The following STAG1 variants were observed in gnomAD, a reference collection of about 807,000 sequenced individuals.
STAG1 encodes the protein cohesin subunit SA-1.
In STAG1, 26 loss-of-function variants were observed where a neutral mutation model predicts 170.9. That is an observed-to-expected ratio of 0.15 (90% confidence interval 0.11 to 0.21). STAG1 has a LOEUF of 0.21. Among genes scored for constraint, STAG1 ranks in the 10% least tolerant of loss-of-function variants. STAG1 has a pLI of 1.00. For synonymous variants in STAG1, 514 were observed against 497.7 expected (o/e 1.03, Z -0.44); for missense variants, 964 against 1,509.5 (o/e 0.64, Z 5.99).
At chr3:136,720,811 G>GA (rs1933214913) in intron 1 of STAG1, among the ~76,000 whole-genome samples, 1 of 151,592 alleles carries the variant, frequency 6.6e-6, no homozygotes, top group Non-Finnish European at 1.5e-5. Context: ...AAAAGAAAAA[G>GA]AAAAGAAATC....
chr3:136,614,341 G>C (rs921694117), intron 3 of STAG1, among the ~76,000 whole-genome samples: 1 of 152,144 alleles, frequency 6.6e-6, no homozygotes, highest in Non-Finnish European at 1.5e-5. Context: ...ATAAACAACA[G>C]TACAAATGAA....
At chr3:136,712,999 G>C (rs1051721490) in intron 1 of STAG1, among the ~76,000 whole-genome samples, 2 of 152,044 alleles carry the variant, frequency 1.3e-5, no homozygotes, top group African/African-American at 4.8e-5. Flanking sequence ...GCTGAGGCAG[G>C]AGAACCACTT....
chr3:136,575,276 G>T (rs1420885648), intron 4 of STAG1, among the ~76,000 whole-genome samples: 1 of 152,116 alleles, frequency 6.6e-6, no homozygotes. Context: ...CCAGGCTAGG[G>T]TCCAGTGGCA....
chr3:136,516,455 A>G (rs948370587), intron 7 of STAG1, among the ~76,000 whole-genome samples: 3 of 152,134 alleles, frequency 2.0e-5, no homozygotes, highest in African/African-American at 7.2e-5. Flanking sequence ...TTGCAAGGAA[A>G]CAAAACCATG....
chr3:136,590,227 G>A (rs776081357), intron 4 of STAG1, among the ~76,000 whole-genome samples: 1 of 152,096 alleles, frequency 6.6e-6, no homozygotes, highest in Non-Finnish European at 1.5e-5. Flanking sequence ...GCTCACGCCT[G>A]TAATCTCAGC....
chr3:136,672,549 C>T (rs1942008408), intron 1 of STAG1, among the ~76,000 whole-genome samples: 1 of 152,078 alleles, frequency 6.6e-6, no homozygotes, highest in African/African-American at 2.4e-5. Flanking sequence ...CTTTAGCACT[C>T]ACACATTTCC....
chr3:136,639,859 T>C (rs1275199395), intron 1 of STAG1, among the ~76,000 whole-genome samples: 1 of 152,208 alleles, frequency 6.6e-6, no homozygotes, highest in Non-Finnish European at 1.5e-5. Context: ...ATCTTTCTAT[T>C]TTCAATTTCC....
chr3:136,414,798 C>T (rs547074031), intron 21 of STAG1, among the ~76,000 whole-genome samples: 2 of 152,222 alleles, frequency 1.3e-5, no homozygotes, highest in East Asian at 3.9e-4. Context: ...GTTGTGTTAA[C>T]AGTCATGAAA....
chr3:136,521,637 G>A (rs1313967386), intron 6 of STAG1, among the ~76,000 whole-genome samples: 1 of 152,046 alleles, frequency 6.6e-6, no homozygotes, highest in Non-Finnish European at 1.5e-5. Context: ...TTTAGAACCA[G>A]CATCTACTTT....
chr3:136,552,826 C>T (rs571253526), intron 5 of STAG1, among the ~76,000 whole-genome samples: 1 of 152,260 alleles, frequency 6.6e-6, no homozygotes, highest in African/African-American at 2.4e-5. Context: ...TATTCAATTA[C>T]AAATGGTCCT....
chr3:136,652,206 T>C (rs1018272515), intron 1 of STAG1, among the ~76,000 whole-genome samples: 3 of 152,236 alleles, frequency 2.0e-5, no homozygotes, highest in Non-Finnish European at 2.9e-5. Context: ...TCATAACTTA[T>C]ACAATTCTGA....
intron 21 of STAG1, among the ~76,000 whole-genome samples, chr3:136,406,130 A>C (rs1171216396): frequency 1.3e-5 from 2 of 152,228 alleles, no homozygotes; most frequent in East Asian, 3.8e-4. Flanking sequence ...CAAATACTGG[A>C]CACAACTCAA....
At chr3:136,442,612 T>C (rs2088663624) in intron 15 of STAG1, among the ~76,000 whole-genome samples, 1 of 152,024 alleles carries the variant, frequency 6.6e-6, no homozygotes, top group Non-Finnish European at 1.5e-5. Flanking sequence ...GGGATGGCTG[T>C]GGTCTAATTA....
At chr3:136,409,660 G>A (rs1162320799) in intron 21 of STAG1, among the ~76,000 whole-genome samples, 3 of 151,842 alleles carry the variant, frequency 2.0e-5, no homozygotes, top group East Asian at 1.9e-4. Flanking sequence ...ATTGAAACTC[G>A]CCCCCTACAT....
chr3:136,389,180 T>A (rs1043864499), intron 22 of STAG1, among the ~76,000 whole-genome samples: 1 of 152,238 alleles, frequency 6.6e-6, no homozygotes, highest in African/African-American at 2.4e-5. Context: ...ACTTAGATCA[T>A]GAAGTATTAA....
chr3:136,479,078 ATTTTT>A (rs1249805254), intron 9 of STAG1, among the ~76,000 whole-genome samples: 5 of 127,022 alleles, frequency 3.9e-5, no homozygotes, highest in African/African-American at 1.5e-4. Flanking sequence ...TTTTTTTTTA[ATTTTT>A]TTTTTTATTA....
At chr3:136,413,240 A>T (rs2087677239) in intron 21 of STAG1, among the ~76,000 whole-genome samples, 1 of 148,292 alleles carries the variant, frequency 6.7e-6, no homozygotes, top group Admixed American at 6.8e-5. Context: ...TATAATGTAT[A>T]CTATATATAA....
At chr3:136,548,465 G>A (rs966248830) in intron 5 of STAG1, among the ~76,000 whole-genome samples, 2 of 152,042 alleles carry the variant, frequency 1.3e-5, no homozygotes, top group African/African-American at 4.8e-5. Flanking sequence ...TGGAAGTGTG[G>A]TGCTTCCAGC....
chr3:136,448,420 A>G (rs1284423314), intron 14 of STAG1, among the ~76,000 whole-genome samples: 2 of 152,214 alleles, frequency 1.3e-5, no homozygotes, highest in Admixed American at 1.3e-4. Context: ...GCAAAGGGAC[A>G]TCTTACATGG....
Sources: gnomAD v4.1 joint callset for allele counts (sites outside exome capture counted in the v4.1 genomes callset) on GRCh38, gnomAD v4.1.1 for gene constraint, MANE v1.5 for transcripts, NCBI Gene and HGNC (gene_info 2026-07-23, HGNC 2026-07-21) for gene names.